Variants in GFI1B observed in about 807,000 individuals in gnomAD.
The protein encoded by GFI1B is zinc finger protein Gfi-1b.
Under a neutral mutation model 35.3 loss-of-function variants are expected in GFI1B, and 20 were observed. The observed-to-expected ratio is 0.57, with a 90% CI of 0.40 to 0.82. The LOEUF (loss-of-function observed/expected upper bound fraction) is 0.82. GFI1B is among the 40% of genes least tolerant of loss of function. The pLI, the probability that GFI1B is intolerant of heterozygous loss-of-function variation, is 0.00. For missense variants in GFI1B, 430 were observed against 446.3 expected (o/e 0.96, Z 0.33); for synonymous variants, 178 against 177.6 (o/e 1.00, Z -0.02).
Position 132,989,876 on chromosome 9 carries a change from C to A in GFI1B, c.783C>A (p.Ser261=). ...QFCGKRFHQK[S]DMKKHTYIHT... is the part of the protein sequence containing the mutation. ...GCGGCAAGCGTTTCCACCAGAAGTC[C>A]GACATGAAGAAGCACACCTACATCC... The change falls in exon 6 of 7, where the codon TCC becomes TCA. Residue 261 remains serine, a synonymous_variant. Coordinates refer to ENST00000372122, the MANE Select transcript of GFI1B (RefSeq NM_001377304.1). This position sits in a 1 kb window ranked among gnomAD's most constrained non-coding sequence, Gnocchi z 6.2. 1 of 1,614,196 alleles carries A rather than the reference C, an allele frequency of 6.2e-7. No individual in the cohort carries two copies. The highest frequency in any genetic ancestry group is 8.5e-7 in the Non-Finnish European group (1 of 1,180,016).
At chr9:132,974,856 A>C (rs978150865), upstream of GFI1B, among the ~76,000 whole-genome samples, 1 of 152,244 alleles carries the variant, frequency 6.6e-6, no homozygotes, top group Non-Finnish European at 1.5e-5. Context: ...CAATGACCTG[A>C]ATGAGTGAGA....
At chr9:132,980,257 AT>A (rs1451128560) in intron 1 of GFI1B, among the ~76,000 whole-genome samples, 2 of 152,050 alleles carry the variant, frequency 1.3e-5, no homozygotes, top group African/African-American at 4.8e-5. Flanking sequence ...CAGTACAAGG[AT>A]TTTCAAAGGC....
chr9:132,992,090 A>G (rs893787741), downstream of GFI1B, among the ~76,000 whole-genome samples: 2 of 152,198 alleles, frequency 1.3e-5, no homozygotes, highest in African/African-American at 4.8e-5. Context: ...GCAGGCTCCC[A>G]GGAGAGTCTG....
At chr9:132,973,454 G>C (rs527505499) in intron 2 of GFI1B, among the ~76,000 whole-genome samples, 1 of 152,362 alleles carries the variant, frequency 6.6e-6, no homozygotes, top group African/African-American at 2.4e-5. Flanking sequence ...TCCACAGACA[G>C]AGGACCCCAT....
chr9:132,950,185 A>T (rs1242818685), intron 1 of GFI1B, among the ~76,000 whole-genome samples: 1 of 152,166 alleles, frequency 6.6e-6, no homozygotes, highest in Non-Finnish European at 1.5e-5. Context: ...TCTGTTCCTG[A>T]CAACCAACAC....
chr9:132,992,380 A>G (rs1337399480), downstream of GFI1B, among the ~76,000 whole-genome samples: 1 of 152,142 alleles, frequency 6.6e-6, no homozygotes, highest in Non-Finnish European at 1.5e-5. Context: ...GTGTGACGCT[A>G]TAGGGTAAAA....
At chr9:132,948,864 G>A (rs1848158964) in intron 1 of GFI1B, among the ~76,000 whole-genome samples, 1 of 152,192 alleles carries the variant, frequency 6.6e-6, no homozygotes, top group African/African-American at 2.4e-5. Context: ...GCCCTTCTCT[G>A]TCTGGGCTCC....
At chr9:132,953,275 A>C (rs2132585303) in intron 1 of GFI1B, 1 of 152,236 alleles carries the variant, frequency 6.6e-6, no homozygotes, top group Non-Finnish European at 1.5e-5. Context: ...TTGTTCTAGG[A>C]TTTAAAATAT....
At chr9:132,972,547 GC>G (rs546636557) in intron 1 of GFI1B, among the ~76,000 whole-genome samples, 23 of 151,884 alleles carry the variant, frequency 1.5e-4, no homozygotes, top group African/African-American at 5.1e-4. Context: ...CCATGATGGA[GC>G]CACTGCACTC....
chr9:132,978,493 G>C (rs1848699851), upstream of GFI1B: 1 of 152,148 alleles, frequency 6.6e-6, no homozygotes, highest in Non-Finnish European at 1.5e-5. Context: ...GCGAAATTCT[G>C]AATTTCTCTG....
At chr9:132,960,004 G>A (rs577261239) in intron 1 of GFI1B, among the ~76,000 whole-genome samples, 1 of 152,298 alleles carries the variant, frequency 6.6e-6, no homozygotes, top group South Asian at 2.1e-4. Context: ...GGGATGAGGA[G>A]ATAATTCAGT....
intron 1 of GFI1B, among the ~76,000 whole-genome samples, chr9:132,949,333 A>G (rs866387481): frequency 6.6e-6 from 1 of 151,032 alleles, no homozygotes; most frequent in Non-Finnish European, 1.5e-5. Flanking sequence ...ATACACACAC[A>G]CACACACATA....
At chr9:132,983,600 G>A (rs1351756301) in intron 1 of GFI1B, among the ~76,000 whole-genome samples, 2 of 152,196 alleles carry the variant, frequency 1.3e-5, no homozygotes, top group Admixed American at 6.5e-5. Context: ...TGGCACAGTG[G>A]CTTGAGAGTA....
intron 1 of GFI1B, among the ~76,000 whole-genome samples, chr9:132,957,922 A>G (rs1043259174): frequency 6.6e-6 from 1 of 152,232 alleles, no homozygotes. Flanking sequence ...TTGCGTGCAT[A>G]TATTTACCTT....
At chr9:132,950,231 C>T (rs1564521526) in intron 1 of GFI1B, among the ~76,000 whole-genome samples, 2 of 152,192 alleles carry the variant, frequency 1.3e-5, no homozygotes, top group Admixed American at 6.5e-5. Context: ...ACATGCTTTC[C>T]TTTCTTCACC....
intron 1 of GFI1B, among the ~76,000 whole-genome samples, chr9:132,957,646 A>T (rs890004997): frequency 1.3e-5 from 2 of 152,154 alleles, no homozygotes; most frequent in African/African-American, 4.8e-5. Flanking sequence ...TAAGTAAAAG[A>T]CACTTTAGTA....
chr9:132,949,175 G>A (rs1207042055), intron 1 of GFI1B, among the ~76,000 whole-genome samples: 1 of 151,936 alleles, frequency 6.6e-6, no homozygotes, highest in Non-Finnish European at 1.5e-5. Context: ...GGGTGTTACT[G>A]TTTCCCACCA....
rs1479272040 is a variant in GFI1B, at chr9:132,988,315, C to A, written c.357C>A (p.Tyr119Ter). 1 of 1,614,078 alleles carries A rather than the reference C, an allele frequency of 6.2e-7. No homozygotes were observed. The highest frequency in any genetic ancestry group is 1.3e-5 in the African/African-American group (1 of 74,940). ...DTLATTYGHS[Y>*]RQAPSTMQSA... is the part of the protein sequence containing the mutation. ...TGGCCACAACCTATGGCCACAGCTA[C>A]CGGCAGGCCCCCTCCACCATGCAGT... Residue 119 changes from tyrosine to a stop codon, truncating the protein, a stop_gained, in exon 4 of 7, where the codon TAC (tyrosine) becomes TAA (stop). Coordinates refer to ENST00000372122, the MANE Select transcript of GFI1B (RefSeq NM_001377304.1). LOFTEE classifies it high-confidence loss of function.
intron 1 of GFI1B, among the ~76,000 whole-genome samples, chr9:132,980,895 TTTTGTTTG>T (rs112055013): frequency 1.8e-4 from 28 of 151,526 alleles, no homozygotes; most frequent in African/African-American, 6.6e-4. Context: ...CTAGACCACA[TTTTGTTTG>T]TTTGTTTGTT....
Sources: gnomAD v4.1 joint callset for allele counts (sites outside exome capture counted in the v4.1 genomes callset) on GRCh38, gnomAD v4.1.1 for gene constraint, Gnocchi (gnomAD v3.1) non-coding constraint, MANE v1.5 for transcripts, NCBI Gene and HGNC (gene_info 2026-07-23, HGNC 2026-07-21) for gene names.